Variants in DIAPH2 observed in about 807,000 individuals in gnomAD.
DIAPH2 encodes protein diaphanous homolog 2.
In DIAPH2, 35 loss-of-function variants were observed where a neutral mutation model predicts 92.7. The observed-to-expected ratio is 0.38, with a 90% CI of 0.29 to 0.50. DIAPH2 has a LOEUF of 0.50. Among genes scored for constraint, DIAPH2 ranks in the 20% least tolerant of loss-of-function variants. The pLI is 0.94. For synonymous variants in DIAPH2, 301 were observed against 280.4 expected (o/e 1.07, Z -0.73); for missense variants, 701 against 819.5 (o/e 0.86, Z 1.77).
intron 23 of DIAPH2, among the ~76,000 whole-genome samples, chrX:97,271,767 C>G (rs1602466845): frequency 9.3e-6 from 1 of 107,998 alleles, no homozygotes; most frequent in African/African-American, 3.4e-5. Context: ...CACTACATTA[C>G]TGTTTGCTCT....
At chrX:97,174,579 A>G (rs1282594676) in intron 22 of DIAPH2, among the ~76,000 whole-genome samples, 1 of 111,893 alleles carries the variant, frequency 8.9e-6, no homozygotes, top group Non-Finnish European at 1.9e-5. Context: ...CTTTCATAAA[A>G]CAATTTGATT....
At chrX:97,157,302 G>A (rs1004315592) in intron 22 of DIAPH2, among the ~76,000 whole-genome samples, 1 of 104,915 alleles carries the variant, frequency 9.5e-6, no homozygotes, top group African/African-American at 3.4e-5. Flanking sequence ...CAACAAGAGC[G>A]AAACTCCATC....
chrX:97,376,261 AGAT>A (rs2069499410), intron 24 of DIAPH2, among the ~76,000 whole-genome samples: 1 of 111,624 alleles, frequency 9.0e-6, no homozygotes, highest in Non-Finnish European at 1.9e-5. Flanking sequence ...ATTATTTCTT[AGAT>A]TTGTCAAATA....
At chrX:97,112,101 G>A (rs2066984601) in intron 20 of DIAPH2, among the ~76,000 whole-genome samples, 1 of 111,840 alleles carries the variant, frequency 8.9e-6, no homozygotes, top group Non-Finnish European at 1.9e-5. Context: ...CTCTGAGTTT[G>A]TAGGCCAAAC....
At chrX:96,775,360 T>TGC (rs2064370130) in intron 4 of DIAPH2, among the ~76,000 whole-genome samples, 2 of 68,210 alleles carry the variant, frequency 2.9e-5, no homozygotes, top group African/African-American at 8.5e-5. Context: ...TGCTTGTGTG[T>TGC]GTGTGTGTGT....
chrX:96,867,660 G>A (rs1279434188), intron 4 of DIAPH2, among the ~76,000 whole-genome samples: 1 of 111,699 alleles, frequency 9.0e-6, no homozygotes, highest in African/African-American at 3.3e-5. Flanking sequence ...ACCTATACAT[G>A]CATCACTGCT....
At chrX:96,875,182 G>A (rs1449060020) in intron 4 of DIAPH2, among the ~76,000 whole-genome samples, 1 of 112,217 alleles carries the variant, frequency 8.9e-6, no homozygotes, top group Non-Finnish European at 1.9e-5. Flanking sequence ...ATCTCATTAT[G>A]TATTTGTAAA....
chrX:97,389,743 C>T (rs2069638577), intron 25 of DIAPH2, among the ~76,000 whole-genome samples: 1 of 110,494 alleles, frequency 9.1e-6, no homozygotes, highest in African/African-American at 3.3e-5. Context: ...TTGCAGGGCA[C>T]CAAGCAAAGA....
chrX:97,414,134 C>T (rs1257646648), intron 25 of DIAPH2, among the ~76,000 whole-genome samples: 1 of 111,733 alleles, frequency 8.9e-6, no homozygotes, highest in Non-Finnish European at 1.9e-5. Flanking sequence ...GGAGGCATCA[C>T]ACTACCTGAC....
chrX:97,463,274 C>CT (rs34254892), intron 26 of DIAPH2, among the ~76,000 whole-genome samples: 3,711 of 92,216 alleles, frequency 0.04, 159 homozygotes, highest in African/African-American at 0.12. Context: ...TATCTGAATC[C>CT]TTTTTTTTTT....
intron 26 of DIAPH2, among the ~76,000 whole-genome samples, chrX:97,510,990 T>A (rs1435544533): frequency 1.6e-4 from 17 of 109,354 alleles, no homozygotes; most frequent in African/African-American, 5.6e-4. Flanking sequence ...CTTGGCAATG[T>A]GGGCTCTTTT....
At chrX:97,185,389 A>ATG (rs2067580302) in intron 22 of DIAPH2, among the ~76,000 whole-genome samples, 1 of 35,909 alleles carries the variant, frequency 2.8e-5, no homozygotes, top group African/African-American at 2.3e-4. Flanking sequence ...ATGTATATAT[A>ATG]TATGTGTATA....
chrX:97,389,396 G>T (rs1028626223), intron 25 of DIAPH2, among the ~76,000 whole-genome samples: 2 of 104,560 alleles, frequency 1.9e-5, no homozygotes, highest in Non-Finnish European at 3.9e-5. Flanking sequence ...AACCCGGGGG[G>T]CAGAAGTTGC....
intron 26 of DIAPH2, among the ~76,000 whole-genome samples, chrX:97,461,332 A>G (rs2070457045): frequency 9.1e-6 from 1 of 110,481 alleles, no homozygotes; most frequent in African/African-American, 3.3e-5. Flanking sequence ...AGTTTTACAT[A>G]TCTAAAATGT....
At chrX:96,879,752 C>T (rs1048955037) in intron 4 of DIAPH2, among the ~76,000 whole-genome samples, 2 of 110,105 alleles carry the variant, frequency 1.8e-5, no homozygotes, top group African/African-American at 3.3e-5. Flanking sequence ...GTGGAGGAGA[C>T]GGAGTCTTGC....
At chrX:96,884,197 CAGCTCGAAGCCTTCTGTGGAG>C (rs750227098) in intron 5 of DIAPH2, 295 of 578,675 alleles carry the variant, frequency 5.1e-4, no homozygotes, top group African/African-American at 3.3e-3. Flanking sequence ...GCCTTTCGGA[CAGCTCGAAGCCTTCTGTGGAG>C]AGCTCGAAGC....
chrX:97,238,943 T>C (rs1176678963), intron 22 of DIAPH2, among the ~76,000 whole-genome samples: 2 of 111,936 alleles, frequency 1.8e-5, no homozygotes, highest in Admixed American at 9.6e-5. Flanking sequence ...AGGGTACTTA[T>C]ATAATCATGT....
intron 22 of DIAPH2, among the ~76,000 whole-genome samples, chrX:97,226,435 G>A (rs1244035643): frequency 2.7e-5 from 3 of 110,927 alleles, no homozygotes; most frequent in South Asian, 3.8e-4. Context: ...GTGCAATGGC[G>A]CGATCTCGGC....
At chrX:97,182,161 G>GGCATGATAGGA (rs1569322161) in intron 22 of DIAPH2, among the ~76,000 whole-genome samples, 8 of 111,044 alleles carry the variant, frequency 7.2e-5, no homozygotes, top group Admixed American at 9.6e-5. Flanking sequence ...TGGCTTGTGG[G>GGCATGATAGGA]GGCTAGGCAT....
Sources: gnomAD v4.1 joint callset for allele counts (sites outside exome capture counted in the v4.1 genomes callset) on GRCh38, gnomAD v4.1.1 for gene constraint, MANE v1.5 for transcripts, NCBI Gene and HGNC (gene_info 2026-07-23, HGNC 2026-07-21) for gene names.